PLD5: variants seen among roughly 807,000 people sequenced by gnomAD.
The protein encoded by PLD5 is phospholipase D family member 5.
In PLD5, 36 loss-of-function variants were observed where a neutral mutation model predicts 61.1. The ratio of observed to expected loss-of-function variants is 0.59; its 90% confidence interval spans 0.45 to 0.78. The LOEUF is 0.78. Among genes scored for constraint, PLD5 ranks in the 30% least tolerant of loss-of-function variants. The pLI, the probability that PLD5 is intolerant of heterozygous loss-of-function variation, is 0.00. For synonymous variants in PLD5, 243 were observed against 242.8 expected, an observed-to-expected ratio of 1.00 and a Z score of -0.01; for missense variants, 515 against 644.4, an observed-to-expected ratio of 0.80 and a Z score of 2.17.
At chr1:242,312,018 A>C (rs188102435) in intron 2 of PLD5, among the ~76,000 whole-genome samples, 12 of 152,022 alleles carry the variant, frequency 7.9e-5, no homozygotes, top group African/African-American at 2.4e-4. Flanking sequence ...GAATTTTTGA[A>C]ATCACTTATT....
intron 5 of PLD5, among the ~76,000 whole-genome samples, chr1:242,157,268 G>C (rs947388399): frequency 2.0e-5 from 3 of 152,216 alleles, no homozygotes; most frequent in East Asian, 3.9e-4. Context: ...CTTTTCTCAA[G>C]GTTCTTAGCT....
intron 2 of PLD5, among the ~76,000 whole-genome samples, chr1:242,310,342 A>C (rs557090020): frequency 2.0e-5 from 3 of 152,170 alleles, no homozygotes; most frequent in Non-Finnish European, 4.4e-5. Context: ...ATCTTCCCAG[A>C]AAGACCAGTG....
chr1:242,510,017 C>A (rs1394520192), intron 1 of PLD5, among the ~76,000 whole-genome samples: 1 of 152,194 alleles, frequency 6.6e-6, no homozygotes, highest in Non-Finnish European at 1.5e-5. Context: ...CCTATCCCAC[C>A]ATACTTCCTT....
intron 5 of PLD5, among the ~76,000 whole-genome samples, chr1:242,161,044 C>G (rs1253289780): frequency 6.6e-6 from 1 of 151,452 alleles, no homozygotes; most frequent in African/African-American, 2.4e-5. Context: ...TAAGTTGGTA[C>G]AATAATATTT....
chr1:242,113,038 G>A (rs563010434), intron 7 of PLD5, among the ~76,000 whole-genome samples: 2 of 150,352 alleles, frequency 1.3e-5, no homozygotes, highest in East Asian at 2.0e-4. Context: ...AGAGAGGGAT[G>A]GATTGACTGA....
chr1:242,348,925 G>T (rs141356514), intron 1 of PLD5, among the ~76,000 whole-genome samples: 3 of 152,054 alleles, frequency 2.0e-5, no homozygotes, highest in Non-Finnish European at 4.4e-5. Flanking sequence ...GTGGTGGCAG[G>T]CGCCTGTAAT....
chr1:242,483,221 A>G (rs1173121766), intron 1 of PLD5, among the ~76,000 whole-genome samples: 6 of 152,216 alleles, frequency 3.9e-5, no homozygotes, highest in Non-Finnish European at 8.8e-5. Flanking sequence ...TTAACCTTAA[A>G]TGTAAATGGG....
At chr1:242,109,924 C>T (rs72761227) in intron 7 of PLD5, among the ~76,000 whole-genome samples, 21,002 of 151,406 alleles carry the variant, frequency 0.14, 1,664 homozygotes, top group Middle Eastern at 0.23. Context: ...GAACAGCATA[C>T]CATCTCAACC....
At position 242,309,583 on chromosome 1, in the gene PLD5, A is replaced by G. The variant is rs1676577963; in HGVS notation, c.327-21053T>C. Among the ~76,000 whole-genome samples, 6 of 151,800 alleles carry G rather than the reference A, an allele frequency of 4.0e-5. No homozygotes were observed. The South Asian group carries it at 1.3e-3, about 32-fold the overall frequency. On this transcript the variant is annotated intron_variant, in intron 2 of 9. Transcript: ENST00000536534. ...GAGATCGGGTTTCACCATGTTGGCC[A>G]GGCTGGTCTCCAGCTTCTGACCTCA...
intron 2 of PLD5, among the ~76,000 whole-genome samples, chr1:242,330,798 T>G (rs1240434094): frequency 6.6e-6 from 1 of 152,212 alleles, no homozygotes; most frequent in African/African-American, 2.4e-5. Context: ...CTCAATCTTT[T>G]GGCATTTCAT....
chr1:242,283,411 A>G (rs562416708), intron 3 of PLD5, among the ~76,000 whole-genome samples: 1 of 152,298 alleles, frequency 6.6e-6, no homozygotes, highest in African/African-American at 2.4e-5. Context: ...CTACATTATA[A>G]AAGACATCTG....
intron 2 of PLD5, among the ~76,000 whole-genome samples, chr1:242,311,573 C>T (rs905926670): frequency 6.6e-6 from 1 of 152,202 alleles, no homozygotes; most frequent in African/African-American, 2.4e-5. Flanking sequence ...AGGCAAATTA[C>T]ACAATTTCTG....
At chr1:242,288,575 T>C (rs546693192) in intron 2 of PLD5, 45 bp from the exon 3 acceptor site, 5 of 1,574,100 alleles carry the variant, frequency 3.2e-6, no homozygotes, top group Non-Finnish European at 4.3e-6. Flanking sequence ...TCTAGTCAAA[T>C]TTGAAGCCAC....
At chr1:242,314,729 T>G (rs6429347) in intron 2 of PLD5, among the ~76,000 whole-genome samples, 46,326 of 151,860 alleles carry the variant, frequency 0.31, 8,219 homozygotes, top group African/African-American at 0.48. Flanking sequence ...TCTAAAGTAT[T>G]CAGGTATATA....
chr1:242,268,715 A>T (rs571109936), intron 3 of PLD5, among the ~76,000 whole-genome samples: 5 of 152,268 alleles, frequency 3.3e-5, no homozygotes, highest in African/African-American at 9.6e-5. Flanking sequence ...TCAGTGTGTT[A>T]TCTCCCCATA....
intron 2 of PLD5, among the ~76,000 whole-genome samples, chr1:242,328,789 A>C (rs934411222): frequency 7.2e-5 from 11 of 152,186 alleles, no homozygotes; most frequent in African/African-American, 2.7e-4. Context: ...CTCCAGAATC[A>C]ACCTGCCACC....
upstream of PLD5, among the ~76,000 whole-genome samples, chr1:242,525,380 G>A (rs1669418718): frequency 6.6e-6 from 1 of 152,180 alleles, no homozygotes. Flanking sequence ...CCGCTTGTGC[G>A]GTGACTGTTC....
intron 1 of PLD5, among the ~76,000 whole-genome samples, chr1:242,444,698 A>ATT (rs1558572417): frequency 2.7e-4 from 37 of 135,692 alleles, no homozygotes; most frequent in African/African-American, 7.7e-4. Flanking sequence ...ATATTATATA[A>ATT]ATATTATATT....
At chr1:242,161,131 G>T (rs980163148) in intron 5 of PLD5, among the ~76,000 whole-genome samples, 1 of 151,766 alleles carries the variant, frequency 6.6e-6, no homozygotes, top group Admixed American at 6.6e-5. Flanking sequence ...CTGTTCTTAC[G>T]CTGCTAATAA....
Sources: allele counts gnomAD v4.1 joint callset (sites outside exome capture counted in the v4.1 genomes callset), GRCh38; gene constraint gnomAD v4.1.1; transcripts MANE v1.5; gene names NCBI Gene and HGNC (gene_info 2026-07-23, HGNC 2026-07-21).